SIPA1L2: variants seen among roughly 807,000 people sequenced by gnomAD.
The protein encoded by SIPA1L2 is signal induced proliferation associated 1 like 2.
SIPA1L2 carries 56 observed loss-of-function variants against 163.9 expected under a neutral mutation model. The ratio of observed to expected loss-of-function variants is 0.34; its 90% CI spans 0.28 to 0.43. The LOEUF (loss-of-function observed/expected upper bound fraction) is 0.43, where lower values mean the gene tolerates loss of function less well. SIPA1L2 is among the 20% of genes least tolerant of loss of function. SIPA1L2 has a pLI of 1.00. For missense variants in SIPA1L2, 1,974 were observed against 2,193.5 expected (o/e 0.90, Z 2.00); for synonymous variants, 877 against 865.7 (o/e 1.01, Z -0.23).
chr1:232,547,225 C>T (rs1173255751), intron 2 of SIPA1L2, among the ~76,000 whole-genome samples: 3 of 152,142 alleles, frequency 2.0e-5, no homozygotes, highest in Non-Finnish European at 2.9e-5. Context: ...CTCTTGCCCC[C>T]TACCCCATGA....
At chr1:232,570,945 TAAAAAAAAA>T (rs11300623) in intron 2 of SIPA1L2, among the ~76,000 whole-genome samples, 1 of 76,792 alleles carries the variant, frequency 1.3e-5, no homozygotes, top group Non-Finnish European at 3.3e-5. Flanking sequence ...CCAGAAACTA[TAAAAAAAAA>T]AAAAAAAAAG....
In SIPA1L2 at chr1:232,465,079, C is replaced by A. The variant is rs1179362371; in HGVS notation, c.2581G>T (p.Ala861Ser). 3.7e-6 allele frequency: 6 copies of A among 1,614,054 alleles called. No homozygotes were observed. The East Asian group carries it at 1.3e-4, about 36-fold the overall frequency. The change falls in exon 9 of 23, where the codon GCC (alanine) becomes TCC (serine). Residue 861 changes from alanine to serine, a missense_variant. Coordinates refer to ENST00000674635, the MANE Select transcript of SIPA1L2 (RefSeq NM_020808.5). This position sits in a 1 kb window ranked among gnomAD's most constrained non-coding sequence, Gnocchi z 4.1. ...SIGAIMWHVI[A>S]RDFGQSADIE... ...TCAGCAGACTGGCCGAAGTCCCGGG[C>A]TATCACGTGCCACATGATGGCCCCA... is the stretch of plus-strand genomic sequence containing the variant.
intron 2 of SIPA1L2, among the ~76,000 whole-genome samples, chr1:232,521,097 G>A (rs1667440507): frequency 1.3e-5 from 2 of 152,128 alleles, no homozygotes; most frequent in Admixed American, 1.3e-4. Flanking sequence ...CATTTATCTT[G>A]AATTAAACAC....
intron 1 of SIPA1L2, among the ~76,000 whole-genome samples, chr1:232,601,082 G>A (rs929808593): frequency 1.1e-4 from 17 of 152,114 alleles, no homozygotes; most frequent in African/African-American, 4.1e-4. Context: ...GGAGAGCAAG[G>A]GACCAGCCAG....
intron 1 of SIPA1L2, among the ~76,000 whole-genome samples, chr1:232,598,036 C>A (rs1661374204): frequency 6.6e-6 from 1 of 152,162 alleles, no homozygotes; most frequent in Non-Finnish European, 1.5e-5. Flanking sequence ...CTCAGCCTGG[C>A]CATGATCTCT....
intron 16 of SIPA1L2, among the ~76,000 whole-genome samples, chr1:232,429,097 CTTAA>C (rs1014835785): frequency 7.9e-5 from 12 of 152,274 alleles, no homozygotes; most frequent in African/African-American, 2.9e-4. Context: ...AGCCGTCTCC[CTTAA>C]TTATCAGTAT....
intron 1 of SIPA1L2, among the ~76,000 whole-genome samples, chr1:232,621,661 A>C (rs1253089013): frequency 2.0e-5 from 3 of 152,312 alleles, no homozygotes; most frequent in South Asian, 4.1e-4. Context: ...CGCCTTTAAG[A>C]ATATCTCTCC....
chr1:232,570,861 T>C (rs1482177271), intron 2 of SIPA1L2, among the ~76,000 whole-genome samples: 1 of 150,918 alleles, frequency 6.6e-6, no homozygotes, highest in African/African-American at 2.4e-5. Flanking sequence ...AAGCATCATA[T>C]GCAAATTTAA....
chr1:232,628,028 G>C (rs1313240093), intron 1 of SIPA1L2, among the ~76,000 whole-genome samples: 1 of 152,146 alleles, frequency 6.6e-6, no homozygotes, highest in African/African-American at 2.4e-5. Flanking sequence ...TAGCTACAAA[G>C]ATAATTTCAA....
intron 1 of SIPA1L2, among the ~76,000 whole-genome samples, chr1:232,621,464 A>G: frequency 6.6e-6 from 1 of 152,190 alleles, no homozygotes; most frequent in East Asian, 1.9e-4. Flanking sequence ...AATAAAGAAC[A>G]CTATAGCTGG....
intron 9 of SIPA1L2, 150 bp downstream of exon 9, chr1:232,464,690 C>A: frequency 1.6e-6 from 1 of 638,992 alleles, no homozygotes; most frequent in South Asian, 2.6e-5. Flanking sequence ...CCAAAAGGAC[C>A]CAGCATTTAA....
chr1:232,425,954 A>G (rs1661874846), intron 17 of SIPA1L2, 146 bp from the exon 18 acceptor site: 2 of 693,714 alleles, frequency 2.9e-6, no homozygotes, highest in East Asian at 5.5e-5. Flanking sequence ...CAAACGCAGC[A>G]TGCAGGGGAT....
At chr1:232,611,839 G>A (rs920767776) in intron 1 of SIPA1L2, among the ~76,000 whole-genome samples, 1 of 152,168 alleles carries the variant, frequency 6.6e-6, no homozygotes, top group African/African-American at 2.4e-5. Context: ...CATAAATAAT[G>A]AGGAGCCAAC....
At chr1:232,530,354 T>C (rs1352916351) in intron 2 of SIPA1L2, among the ~76,000 whole-genome samples, 1 of 152,132 alleles carries the variant, frequency 6.6e-6, no homozygotes, top group Non-Finnish European at 1.5e-5. Context: ...GACCTCGTGA[T>C]CCACCCGCCT....
chr1:232,597,795 T>C (rs1401304632), intron 1 of SIPA1L2, among the ~76,000 whole-genome samples: 1 of 151,492 alleles, frequency 6.6e-6, no homozygotes, highest in East Asian at 1.9e-4. Context: ...ATCTTGGCCC[T>C]GTAGTGACAG....
chr1:232,601,310 C>T (rs918050647), intron 1 of SIPA1L2, among the ~76,000 whole-genome samples: 2 of 152,200 alleles, frequency 1.3e-5, no homozygotes, highest in African/African-American at 4.8e-5. Context: ...CTCCTGGGCC[C>T]AAGCAATCCT....
chr1:232,573,138 C>T (rs1238032477), intron 2 of SIPA1L2, among the ~76,000 whole-genome samples: 4 of 151,910 alleles, frequency 2.6e-5, no homozygotes, highest in Non-Finnish European at 4.4e-5. Flanking sequence ...TGCACCAACA[C>T]GCATAAAAGA....
At chr1:232,423,121 A>C (rs1191825484) in intron 18 of SIPA1L2, among the ~76,000 whole-genome samples, 1 of 152,198 alleles carries the variant, frequency 6.6e-6, no homozygotes, top group East Asian at 1.9e-4. Flanking sequence ...ATGGGTAAAT[A>C]ACTGATATTG....
intron 7 of SIPA1L2, among the ~76,000 whole-genome samples, chr1:232,473,009 T>C (rs1458908091): frequency 1.3e-5 from 2 of 152,198 alleles, no homozygotes; most frequent in Non-Finnish European, 2.9e-5. Flanking sequence ...CATCTTACTG[T>C]CTGAGTGAAG....
Sources: allele counts gnomAD v4.1 joint callset (sites outside exome capture counted in the v4.1 genomes callset), GRCh38; gene constraint gnomAD v4.1.1; non-coding constraint Gnocchi (gnomAD v3.1); transcripts MANE v1.5; gene names NCBI Gene and HGNC (gene_info 2026-07-23, HGNC 2026-07-21).